CWF19L2: variants seen among roughly 807,000 people sequenced by gnomAD.
The protein encoded by CWF19L2 is CWF19 like cell cycle control factor 2, also known as CWF19-like protein 2.
CWF19L2 carries 98 observed loss-of-function variants against 111.7 expected under a neutral mutation model. The ratio of observed to expected loss-of-function variants is 0.88; its 90% CI spans 0.75 to 1.04. The LOEUF is 1.04. CWF19L2 is among the 50% of genes least tolerant of loss of function. The pLI, the probability that CWF19L2 is intolerant of heterozygous loss-of-function variation, is 0.00. For synonymous variants in CWF19L2, 351 were observed against 342.9 expected (o/e 1.02, Z -0.26); for missense variants, 1,101 against 1,051.4 (o/e 1.05, Z -0.65).
chr11:107,450,818 C>T (rs1861767896), intron 3 of CWF19L2, among the ~76,000 whole-genome samples: 1 of 152,098 alleles, frequency 6.6e-6, no homozygotes, highest in Non-Finnish European at 1.5e-5. Context: ...CATCAAGGAG[C>T]TGTCTATGTA....
intron 6 of CWF19L2, among the ~76,000 whole-genome samples, chr11:107,434,907 T>C (rs774911448): frequency 1.6e-4 from 25 of 152,004 alleles, no homozygotes; most frequent in Non-Finnish European, 2.2e-4. Flanking sequence ...ACGTTTTCAT[T>C]TTATGAAAAT....
chr11:107,456,258 C>T (rs955371716), intron 1 of CWF19L2, among the ~76,000 whole-genome samples: 5 of 152,206 alleles, frequency 3.3e-5, no homozygotes, highest in Non-Finnish European at 5.9e-5. Context: ...TTTATCCATT[C>T]TTCAATGATA....
intron 14 of CWF19L2, among the ~76,000 whole-genome samples, chr11:107,338,471 C>T (rs1440208923): frequency 2.0e-5 from 3 of 151,866 alleles, no homozygotes; most frequent in East Asian, 3.9e-4. Flanking sequence ...CATAGGTAAA[C>T]GTGTGCCATG....
At chr11:107,356,978 C>T (rs532078776) in intron 12 of CWF19L2, among the ~76,000 whole-genome samples, 21 of 152,254 alleles carry the variant, frequency 1.4e-4, no homozygotes, top group African/African-American at 5.1e-4. Flanking sequence ...GCGGAGGTTG[C>T]TGTGGGCCGA....
At chr11:107,334,230 G>A (rs1173022299) in intron 16 of CWF19L2, among the ~76,000 whole-genome samples, 2 of 152,040 alleles carry the variant, frequency 1.3e-5, no homozygotes, top group Non-Finnish European at 2.9e-5. Flanking sequence ...AAACAAAAAC[G>A]AACCACACTT....
At chr11:107,355,061 C>T (rs748871137) in intron 12 of CWF19L2, among the ~76,000 whole-genome samples, 3 of 151,940 alleles carry the variant, frequency 2.0e-5, no homozygotes, top group Non-Finnish European at 4.4e-5. Flanking sequence ...AATATAAGTA[C>T]TAAAGTACTA....
At chr11:107,348,618 TG>T (rs1450646874) in intron 14 of CWF19L2, 1 of 159,540 alleles carries the variant, frequency 6.3e-6, no homozygotes, top group Non-Finnish European at 1.4e-5. Context: ...TGCAATTTAT[TG>T]GCTTACTGTG....
chr11:107,414,909 T>C (rs528160483), intron 10 of CWF19L2, among the ~76,000 whole-genome samples: 8 of 152,206 alleles, frequency 5.3e-5, no homozygotes, highest in Admixed American at 2.0e-4. Context: ...TCATTTCTTA[T>C]CTGCATTATT....
At chr11:107,453,682 T>C (rs1266794259) in intron 3 of CWF19L2, among the ~76,000 whole-genome samples, 9 of 151,668 alleles carry the variant, frequency 5.9e-5, no homozygotes, top group African/African-American at 2.2e-4. Flanking sequence ...GCGCCTTAGG[T>C]ACCAGCTCAG....
At chr11:107,404,607 G>C (rs1350947516) in intron 10 of CWF19L2, 2 of 571,454 alleles carry the variant, frequency 3.5e-6, no homozygotes, top group African/African-American at 3.8e-5. Context: ...AGCACCTGCA[G>C]CTCTGGCTTC....
chr11:107,340,970 C>A (rs1859997853), intron 14 of CWF19L2, among the ~76,000 whole-genome samples: 1 of 152,146 alleles, frequency 6.6e-6, no homozygotes, highest in Non-Finnish European at 1.5e-5. Flanking sequence ...TCTTCCAAAT[C>A]AATTCTCATG....
At chr11:107,327,220 T>G (rs1290286999) in intron 17 of CWF19L2, among the ~76,000 whole-genome samples, 167 bp from the exon 18 acceptor site, 1 of 152,208 alleles carries the variant, frequency 6.6e-6, no homozygotes, top group Non-Finnish European at 1.5e-5. Flanking sequence ...CAGTTAATTC[T>G]AACTAGGCAA....
At position 107,328,648 on chromosome 11, in the gene CWF19L2, G is replaced by A. The variant is rs187989047; in HGVS notation, c.2541+1270C>T. Among the ~76,000 whole-genome samples the A allele has an allele frequency of 1.5e-3, 234 of 152,210 alleles. 1 individual carries two copies. Among genetic ancestry groups the A allele is most frequent in the African/African-American group, 5.2e-3 (214 of 41,538 alleles). ...TGCATGAATAATATGTGAAGAAAGG[G>A]CAATCTCCCAGTTTAATATATACAA... On this transcript the variant is annotated intron_variant, in intron 17 of 17. Coordinates refer to ENST00000282251, the MANE Select transcript of CWF19L2 (RefSeq NM_152434.3).
intron 13 of CWF19L2, among the ~76,000 whole-genome samples, chr11:107,350,599 A>T: frequency 6.6e-6 from 1 of 152,094 alleles, no homozygotes; most frequent in South Asian, 2.1e-4. Context: ...AGCTTCAATA[A>T]ATTTCTGTTG....
chr11:107,334,834 T>A, intron 16 of CWF19L2, 47 bp downstream of exon 16: 1 of 1,156,748 alleles, frequency 8.6e-7, no homozygotes. Flanking sequence ...TTAATAAAGA[T>A]CCTGAGCACT....
At chr11:107,418,603 C>T (rs1012696581) in intron 8 of CWF19L2, among the ~76,000 whole-genome samples, 2 of 152,048 alleles carry the variant, frequency 1.3e-5, no homozygotes, top group African/African-American at 2.4e-5. Flanking sequence ...AAACAAAAAA[C>T]GTTCGAACCA....
intron 3 of CWF19L2, among the ~76,000 whole-genome samples, chr11:107,448,331 G>A (rs1283758410): frequency 6.0e-5 from 7 of 116,866 alleles, no homozygotes; most frequent in Non-Finnish European, 9.8e-5. Context: ...GCAACAGAGC[G>A]AGACTCCGTC....
chr11:107,457,745 C>A lies in CWF19L2; in HGVS notation c.72G>T (p.Gln24His), dbSNP rs1228875488. ...ACACCTCGGCCCTGGCATTCCGGGT[C>A]TGTTCTTTCCGCTCTTCGATACTCT... ...SAKSIEERKEQTRNARAEVLR... is the reference protein window; with the variant it reads ...SAKSIEERKEHTRNARAEVLR... The change falls in exon 1 of 18, where the codon CAG (glutamine) becomes CAT (histidine). Residue 24 changes from glutamine to histidine, a missense_variant. Coordinates refer to ENST00000282251, the MANE Select transcript of CWF19L2 (RefSeq NM_152434.3). 1 of 1,551,564 alleles carries A rather than the reference C, an allele frequency of 6.4e-7. No individual in the cohort carries two copies. Among genetic ancestry groups the A allele is most frequent in the African/African-American group, 1.4e-5 (1 of 73,062 alleles).
At chr11:107,353,883 G>C (rs1184691614) in intron 12 of CWF19L2, 147 bp from the exon 13 acceptor site, 1 of 632,904 alleles carries the variant, frequency 1.6e-6, no homozygotes, top group Non-Finnish European at 2.7e-6. Flanking sequence ...ATATTTGTTT[G>C]ATCTTCTAGA....
Sources: allele counts gnomAD v4.1 joint callset (sites outside exome capture counted in the v4.1 genomes callset), GRCh38; gene constraint gnomAD v4.1.1; transcripts MANE v1.5; gene names NCBI Gene and HGNC (gene_info 2026-07-23, HGNC 2026-07-21).